The following SRL variants were observed in gnomAD, a reference collection of about 807,000 sequenced individuals.
The protein encoded by SRL is sarcalumenin.
Under a neutral mutation model 39.5 loss-of-function variants are expected in SRL, and 23 were observed. The ratio of observed to expected loss-of-function variants is 0.58; its 90% CI spans 0.42 to 0.82. The LOEUF (loss-of-function observed/expected upper bound fraction) is 0.82, where lower values mean the gene tolerates loss of function less well. SRL is among the 40% of genes least tolerant of loss of function. The pLI, the probability that SRL is intolerant of heterozygous loss-of-function variation, is 0.00. For missense variants in SRL, 592 were observed against 607.8 expected (o/e 0.97, Z 0.27); for synonymous variants, 272 against 237.4 (o/e 1.15, Z -1.34).
At chr16:4,204,454 TCAGGAGCCTC>T in intron 2 of SRL, 69 bp downstream of exon 2, 1 of 907,016 alleles carries the variant, frequency 1.1e-6, no homozygotes, top group Non-Finnish European at 1.6e-6. Flanking sequence ...GCCCTGGCTC[TCAGGAGCCTC>T]CAGGAGTCTG....
intron 1 of SRL, chr16:4,239,742 C>T (rs1206906051): frequency 6.6e-6 from 1 of 152,440 alleles, no homozygotes; most frequent in African/African-American, 2.4e-5. Flanking sequence ...GACGCGCTGT[C>T]TGACCTCGGA....
At chr16:4,230,598 A>G (rs1051189563) in intron 1 of SRL, among the ~76,000 whole-genome samples, 5 of 151,324 alleles carry the variant, frequency 3.3e-5, no homozygotes, top group South Asian at 2.1e-4. Context: ...CATGTTGGCC[A>G]GGCTGGTCTT....
At chr16:4,222,320 G>A (rs2052539898) in intron 1 of SRL, among the ~76,000 whole-genome samples, 1 of 152,202 alleles carries the variant, frequency 6.6e-6, no homozygotes, top group Admixed American at 6.5e-5. Context: ...TGTAACCCAG[G>A]ATAGAGTGCA....
In SRL at chr16:4,192,463, A is replaced by G. The variant is rs1242893201; in HGVS notation, c.1112T>C (p.Ile371Thr). The change falls in exon 6 of 6, where the codon ATT becomes ACT. Residue 371 changes from isoleucine (I) to threonine (T), a missense_variant. Coordinates refer to ENST00000399609, the MANE Select transcript of SRL (RefSeq NM_001098814.2). The surrounding 1 kb of genome is among the most constrained non-coding windows in gnomAD (Gnocchi z 4.0). ...GTAGAATTTATCGGGATCTTCCACA[A>G]TGTCCTTAAAGACCAGTTCTCCATC... ...FSDGELVFKDIVEDPDKFYIF... is the reference protein window; with the variant it reads ...FSDGELVFKDTVEDPDKFYIF... The G allele has an allele frequency of 6.2e-7, 1 of 1,614,200 alleles. No individual in the cohort carries two copies. The highest frequency in any genetic ancestry group is 1.1e-5 in the South Asian group (1 of 91,090).
intron 1 of SRL, among the ~76,000 whole-genome samples, chr16:4,221,416 T>C (rs986474184): frequency 1.3e-5 from 2 of 152,138 alleles, no homozygotes; most frequent in African/African-American, 4.8e-5. Flanking sequence ...TACTCCCTAG[T>C]TCCCAAAGGA....
At chr16:4,233,830 C>G (rs1453684173) in intron 1 of SRL, among the ~76,000 whole-genome samples, 1 of 152,058 alleles carries the variant, frequency 6.6e-6, no homozygotes, top group East Asian at 1.9e-4. Context: ...TACCCTCATG[C>G]TTCTATTTGA....
chr16:4,217,707 C>T (rs1448029768), intron 1 of SRL, among the ~76,000 whole-genome samples: 3 of 152,250 alleles, frequency 2.0e-5, no homozygotes, highest in East Asian at 1.9e-4. Context: ...GCGTTTTAAA[C>T]ATCAGGTGGT....
Position 4,195,891 on chromosome 16 carries a change from G to T in SRL, c.377-105C>A, listed in dbSNP as rs531100627. The T allele has an allele frequency of 1.1e-5, 10 of 917,156 alleles. No individual in the cohort carries two copies. The South Asian group carries it at 1.5e-4, about 14-fold the overall frequency. 56.8% of individuals were successfully genotyped at this position (917,156 alleles called of 1,614,324 possible). A position where few individuals can be genotyped will look rare whatever the true frequency, so the allele number is the denominator to read the frequency against. ...GTGTCACAGGGAGACTTTTGCAACA[G>T]AATTGGATATGTTTGCCAAGCTATT... On this transcript the variant is annotated intron_variant, in intron 4 of 5. Transcript: ENST00000399609.
At chr16:4,222,098 T>C (rs968575788) in intron 1 of SRL, among the ~76,000 whole-genome samples, 2 of 152,224 alleles carry the variant, frequency 1.3e-5, no homozygotes, top group Non-Finnish European at 2.9e-5. Flanking sequence ...GGTCCCCCAA[T>C]AGCCCACACC....
chr16:4,230,898 T>C (rs2052653801), intron 1 of SRL, among the ~76,000 whole-genome samples: 1 of 152,056 alleles, frequency 6.6e-6, no homozygotes, highest in Non-Finnish European at 1.5e-5. Flanking sequence ...ATGCCAGGAA[T>C]TGCTGGCAAC....
At chr16:4,221,019 G>T (rs572406358) in intron 1 of SRL, among the ~76,000 whole-genome samples, 2 of 151,672 alleles carry the variant, frequency 1.3e-5, no homozygotes, top group East Asian at 3.9e-4. Flanking sequence ...ACCAGATGAG[G>T]CCCTCATCGC....
At chr16:4,201,138 G>A (rs2052223836) in intron 3 of SRL, among the ~76,000 whole-genome samples, 1 of 145,258 alleles carries the variant, frequency 6.9e-6, no homozygotes, top group Admixed American at 7.0e-5. Context: ...TTTTGAGACA[G>A]GGTCTCACTC....
chr16:4,224,715 A>T, intron 1 of SRL, among the ~76,000 whole-genome samples: 1 of 150,812 alleles, frequency 6.6e-6, no homozygotes, highest in Non-Finnish European at 1.5e-5. Context: ...GCAAGACCCT[A>T]TCTCGAGAAA....
rs1237775177 is a variant in SRL, at chr16:4,213,404, C to CTTTTTCTTTTTCTTTTTTTTTTTTTT, written c.62-8771_62-8770insAAAAAAAAAAAAAAGAAAAAGAAAAA. 4.9e-4 allele frequency among the ~76,000 whole-genome samples: 34 copies of CTTTTTCTTTTTCTTTTTTTTTTTTTT among 69,584 alleles called. 1 individual carries two copies. The highest frequency in any genetic ancestry group is 1.8e-3 in the African/African-American group (22 of 12,200). 45.6% of individuals were successfully genotyped at this position (69,584 alleles called of 152,430 possible). On this transcript the variant is annotated intron_variant, in intron 1 of 5. Transcript: ENST00000399609. The stretch of plus-strand genomic sequence containing the variant: ...CATCTTTTTTTTTCTTTTTCTTTTT[C>CTTTTTCTTTTTCTTTTTTTTTTTTTT]TTTTTTTTTTTTTTTTTTTTTTTTT...
chr16:4,212,213 T>A (rs116951500), intron 1 of SRL, among the ~76,000 whole-genome samples: 6,068 of 152,228 alleles, frequency 0.04, 180 homozygotes, highest in Middle Eastern at 0.082. Flanking sequence ...GCTAAACAAT[T>A]TGGAGTAAAA....
At chr16:4,217,979 C>T (rs968636456) in intron 1 of SRL, among the ~76,000 whole-genome samples, 2 of 152,156 alleles carry the variant, frequency 1.3e-5, no homozygotes, top group African/African-American at 4.8e-5. Context: ...CGAGGAGCTG[C>T]AGGGTGCCTG....
intron 1 of SRL, among the ~76,000 whole-genome samples, chr16:4,223,448 G>T (rs900727125): frequency 1.3e-5 from 2 of 151,978 alleles, no homozygotes; most frequent in Non-Finnish European, 2.9e-5. Context: ...TGCAATCATG[G>T]CTCACTGCAG....
In SRL at chr16:4,208,046, A is replaced by T. The variant is rs921644815; in HGVS notation, c.62-3412T>A. 2.4e-5 allele frequency: 11 copies of T among 456,134 alleles called. No individual in the cohort carries two copies. The Admixed American group carries it at 2.6e-4, about 11-fold the overall frequency. The allele number at this position is 456,134 out of a possible 1,614,324, so 28.3% of individuals were successfully genotyped here. ...CTAGACTTGCGTCTCCAGCAGAGAA[A>T]TGATTCTCCAACAAATTGCCAACAT... On this transcript the variant is annotated intron_variant, in intron 1 of 5. Coordinates refer to ENST00000399609, the MANE Select transcript of SRL (RefSeq NM_001098814.2).
chr16:4,223,067 T>C (rs2141057633), intron 1 of SRL, among the ~76,000 whole-genome samples: 1 of 151,788 alleles, frequency 6.6e-6, no homozygotes, highest in Non-Finnish European at 1.5e-5. Flanking sequence ...CCATCTCTAC[T>C]AAAAATACAA....
Sources: gnomAD v4.1 joint callset for allele counts (sites outside exome capture counted in the v4.1 genomes callset) on GRCh38, gnomAD v4.1.1 for gene constraint, Gnocchi (gnomAD v3.1) non-coding constraint, MANE v1.5 for transcripts, NCBI Gene and HGNC (gene_info 2026-07-23, HGNC 2026-07-21) for gene names.